The following MRAS variants were observed in gnomAD, a reference collection of about 807,000 sequenced individuals.
MRAS encodes muscle RAS oncogene homolog.
In MRAS, 4 loss-of-function variants were observed where a neutral mutation model predicts 20.9. That is an observed-to-expected ratio of 0.19 (90% CI 0.09 to 0.44). The LOEUF is 0.44. MRAS is among the 20% of genes least tolerant of loss of function. The pLI, the probability that MRAS is intolerant of heterozygous loss-of-function variation, is 0.99. For synonymous variants in MRAS, 98 were observed against 102.9 expected, an observed-to-expected ratio of 0.95 and a Z score of 0.29; for missense variants, 154 against 277.5, an observed-to-expected ratio of 0.56 and a Z score of 3.16.
chr3:138,362,443 C>T (rs1311985843), intron 1 of MRAS, among the ~76,000 whole-genome samples: 3 of 152,284 alleles, frequency 2.0e-5, no homozygotes, highest in Admixed American at 1.3e-4. Context: ...CCTGTTCCTC[C>T]GTGACCCTAT....
intron 4 of MRAS, chr3:138,400,291 A>G: frequency 2.2e-6 from 1 of 447,384 alleles, no homozygotes; most frequent in Non-Finnish European, 3.9e-6. Flanking sequence ...TTCTATTTTT[A>G]GGGAGCTATT....
intron 1 of MRAS, among the ~76,000 whole-genome samples, chr3:138,350,907 C>T (rs920934482): frequency 2.1e-5 from 3 of 145,232 alleles, no homozygotes; most frequent in Non-Finnish European, 4.5e-5. Flanking sequence ...CACGCCACTG[C>T]ACTCCAGCTT....
intron 1 of MRAS, chr3:138,349,350 G>A (rs1436631271): frequency 6.6e-6 from 1 of 152,528 alleles, no homozygotes; most frequent in African/African-American, 2.4e-5. Flanking sequence ...CTGCGGGGAA[G>A]ACAAGAGCAC....
chr3:138,352,008 A>G (rs1361817630), intron 1 of MRAS, among the ~76,000 whole-genome samples: 1 of 152,216 alleles, frequency 6.6e-6, no homozygotes, highest in East Asian at 1.9e-4. Flanking sequence ...CAGCCAAGTC[A>G]GCATGCCATT....
intron 1 of MRAS, among the ~76,000 whole-genome samples, chr3:138,350,595 G>T (rs971260531): frequency 6.6e-6 from 1 of 152,140 alleles, no homozygotes; most frequent in Non-Finnish European, 1.5e-5. Flanking sequence ...TGTCTCCAGC[G>T]TTGTCAGCTT....
intron 2 of MRAS, among the ~76,000 whole-genome samples, chr3:138,379,860 GA>G (rs1472584475): frequency 2.6e-5 from 4 of 152,104 alleles, no homozygotes; most frequent in Admixed American, 2.0e-4. Flanking sequence ...AGGATTGCTG[GA>G]CCATATGGTA....
chr3:138,377,276 T>C (rs1225335657), intron 2 of MRAS, among the ~76,000 whole-genome samples: 3 of 152,202 alleles, frequency 2.0e-5, no homozygotes, highest in African/African-American at 4.8e-5. Context: ...ATTCCCAGAT[T>C]AGATGCTTCT....
At chr3:138,394,812 T>C (rs1191236365) in intron 2 of MRAS, among the ~76,000 whole-genome samples, 1 of 152,114 alleles carries the variant, frequency 6.6e-6, no homozygotes, top group Non-Finnish European at 1.5e-5. Flanking sequence ...CACACTTTCC[T>C]CCAGAAAGCT....
intron 1 of MRAS, among the ~76,000 whole-genome samples, chr3:138,356,040 A>G (rs746224692): frequency 2.0e-5 from 3 of 152,232 alleles, no homozygotes; most frequent in Non-Finnish European, 4.4e-5. Context: ...GCCCTGCTTT[A>G]CTGGGGCTTA....
At position 138,402,519 on chromosome 3, in the gene MRAS, C is replaced by T. The variant is rs138276815; in HGVS notation, c.*250C>T. On this transcript the variant is annotated 3_prime_UTR_variant, in exon 6 of 6. Transcript: ENST00000423968. ...GCAGCATCCAAGTGCCCCTGGCCCC[C>T]CCATGTGTTGATTCAACCCGGTTCC... 35 of 434,620 alleles carry T rather than the reference C, an allele frequency of 8.1e-5. No individual in the cohort carries two copies. In the Admixed American group the frequency reaches 8.8e-4, roughly 11 times the overall value. The allele number at this position is 434,620 out of a possible 1,614,324, so 26.9% of individuals were successfully genotyped here. A position where few individuals can be genotyped will look rare whatever the true frequency, so the allele number is the denominator to read the frequency against.
intron 2 of MRAS, among the ~76,000 whole-genome samples, chr3:138,376,843 ACG>A (rs2054793011): frequency 1.3e-5 from 2 of 152,214 alleles, no homozygotes; most frequent in African/African-American, 4.8e-5. Context: ...CATTTTTTGC[ACG>A]TGATTCTGAA....
intron 3 of MRAS, among the ~76,000 whole-genome samples, chr3:138,397,941 G>A (rs79277790): frequency 0.013 from 2,017 of 152,256 alleles, 43 homozygotes; most frequent in African/African-American, 0.045. Flanking sequence ...AAGAAATATA[G>A]GGAAAATAGT....
chr3:138,353,912 G>T (rs2054277663), intron 1 of MRAS, among the ~76,000 whole-genome samples: 1 of 152,248 alleles, frequency 6.6e-6, no homozygotes, highest in South Asian at 2.1e-4. Context: ...GCCATGGTCT[G>T]TCTCTTCCTG....
chr3:138,354,293 A>G (rs1285569006), intron 1 of MRAS, among the ~76,000 whole-genome samples: 3 of 152,168 alleles, frequency 2.0e-5, no homozygotes, highest in African/African-American at 7.2e-5. Flanking sequence ...CCATGTACCT[A>G]TTACCCAAGA....
At chr3:138,353,693 A>G (rs2054273733) in intron 1 of MRAS, among the ~76,000 whole-genome samples, 2 of 152,170 alleles carry the variant, frequency 1.3e-5, no homozygotes, top group Non-Finnish European at 2.9e-5. Context: ...CCGTCCATTC[A>G]TTGATCCATC....
chr3:138,389,163 C>G (rs2055077751), intron 2 of MRAS, among the ~76,000 whole-genome samples: 1 of 152,098 alleles, frequency 6.6e-6, no homozygotes, highest in Non-Finnish European at 1.5e-5. Context: ...GTTTGAAAGT[C>G]AGTTTTTAGT....
intron 1 of MRAS, among the ~76,000 whole-genome samples, chr3:138,353,931 G>T (rs747629102): frequency 2.0e-5 from 3 of 152,230 alleles, no homozygotes; most frequent in Non-Finnish European, 4.4e-5. Flanking sequence ...TGAAGTGCAT[G>T]CTCCTTCCGT....
At chr3:138,349,295 T>A (rs992960173) in intron 1 of MRAS, 3 of 152,238 alleles carry the variant, frequency 2.0e-5, no homozygotes, top group Admixed American at 6.5e-5. Context: ...GGCTCATGCA[T>A]TGAACTGATC....
intron 2 of MRAS, among the ~76,000 whole-genome samples, chr3:138,392,942 G>C (rs1490315486): frequency 1.3e-5 from 2 of 152,088 alleles, no homozygotes; most frequent in Admixed American, 6.6e-5. Context: ...ACTTTGTCCT[G>C]TTTTTCCTCT....
Sources: allele counts gnomAD v4.1 joint callset (sites outside exome capture counted in the v4.1 genomes callset), GRCh38; gene constraint gnomAD v4.1.1; transcripts MANE v1.5; gene names NCBI Gene and HGNC (gene_info 2026-07-23, HGNC 2026-07-21).